Variants in NIBAN2 observed in about 807,000 individuals in gnomAD.
The protein encoded by NIBAN2 is niban apoptosis regulator 2, also known as protein Niban 2.
NIBAN2 carries 36 observed loss-of-function variants against 81.8 expected under a neutral mutation model. The ratio of observed to expected loss-of-function variants is 0.44; its 90% confidence interval spans 0.34 to 0.58. The LOEUF is 0.58. NIBAN2 is among the 20% of genes least tolerant of loss of function. The probability of loss-of-function intolerance (pLI) is 0.02; values close to 1 mark genes in which losing one functional copy is unlikely to be tolerated. For missense variants in NIBAN2, 897 were observed against 1,014.1 expected, an observed-to-expected ratio of 0.88 and a Z score of 1.57; for synonymous variants, 445 against 441.6, an observed-to-expected ratio of 1.01 and a Z score of -0.10.
chr9:127,518,038 T>C, intron 5 of NIBAN2, 97 bp from the exon 6 acceptor site: 1 of 692,358 alleles, frequency 1.4e-6, no homozygotes, highest in Non-Finnish European at 2.4e-6. Flanking sequence ...CCCACACACA[T>C]GGCATGCACC....
intron 1 of NIBAN2, among the ~76,000 whole-genome samples, chr9:127,564,292 CAAA>C (rs60378955): frequency 3.9e-5 from 4 of 102,686 alleles, no homozygotes; most frequent in Non-Finnish European, 4.1e-5. Context: ...GACTCTGTAT[CAAA>C]AAAAAAAAAA....
intron 8 of NIBAN2, 101 bp downstream of exon 8, chr9:127,516,756 A>G: frequency 8.1e-7 from 1 of 1,238,162 alleles, no homozygotes; most frequent in Non-Finnish European, 1.1e-6. Context: ...CAAATGATCA[A>G]TGAGCAAGTC....
chr9:127,528,350 C>A (rs563366565), intron 2 of NIBAN2, among the ~76,000 whole-genome samples: 1 of 152,228 alleles, frequency 6.6e-6, no homozygotes, highest in East Asian at 1.9e-4. Flanking sequence ...GGGAGGGAAC[C>A]CAGGAGAGTA....
chr9:127,531,955 A>T (rs1270626399), intron 1 of NIBAN2, among the ~76,000 whole-genome samples, 177 bp from the exon 2 acceptor site: 2 of 152,264 alleles, frequency 1.3e-5, no homozygotes, highest in Non-Finnish European at 2.9e-5. Flanking sequence ...TTTCCTGTGA[A>T]AACCAACTGC....
At chr9:127,573,724 G>T (rs569372183), upstream of NIBAN2, among the ~76,000 whole-genome samples, 1 of 152,246 alleles carries the variant, frequency 6.6e-6, no homozygotes, top group Admixed American at 6.5e-5. Context: ...CACGATCTCT[G>T]CTCACTGCAA....
At chr9:127,512,135 CCCT>C (rs1836748751) in intron 8 of NIBAN2, among the ~76,000 whole-genome samples, 1 of 152,198 alleles carries the variant, frequency 6.6e-6, no homozygotes, top group African/African-American at 2.4e-5. Flanking sequence ...ATATCTGCTT[CCCT>C]CCTTTGGAGA....
chr9:127,569,985 C>T (rs1262275876), upstream of NIBAN2, among the ~76,000 whole-genome samples: 3 of 152,118 alleles, frequency 2.0e-5, no homozygotes, highest in Non-Finnish European at 4.4e-5. Flanking sequence ...AGTTTCAGGA[C>T]CTCCCAAGCT....
intron 1 of NIBAN2, among the ~76,000 whole-genome samples, chr9:127,556,062 G>T (rs1211279424): frequency 1.3e-5 from 2 of 151,698 alleles, no homozygotes; most frequent in Admixed American, 6.6e-5. Flanking sequence ...TGCCTGTCAT[G>T]CTCAGAAGCT....
At chr9:127,525,305 G>A in intron 3 of NIBAN2, 142 bp from the exon 4 acceptor site, 2 of 621,822 alleles carry the variant, frequency 3.2e-6, no homozygotes, top group Non-Finnish European at 5.8e-6. Flanking sequence ...GAACAGAGGG[G>A]AGAATGTCAC....
chr9:127,549,360 C>A (rs1837531572), intron 1 of NIBAN2, among the ~76,000 whole-genome samples: 1 of 152,052 alleles, frequency 6.6e-6, no homozygotes, highest in Non-Finnish European at 1.5e-5. Flanking sequence ...GCATGCCACA[C>A]ACATGCACTC....
At chr9:127,524,597 A>C (rs1837025871) in intron 4 of NIBAN2, among the ~76,000 whole-genome samples, 1 of 152,172 alleles carries the variant, frequency 6.6e-6, no homozygotes, top group East Asian at 1.9e-4. Flanking sequence ...GAATCCAGGA[A>C]TGCCGCTCGA....
At chr9:127,511,754 A>C (rs2132156702) in intron 8 of NIBAN2, among the ~76,000 whole-genome samples, 1 of 152,340 alleles carries the variant, frequency 6.6e-6, no homozygotes, top group East Asian at 1.9e-4. Context: ...AAAAATGGGC[A>C]AAAGATTTGA....
At chr9:127,571,850 T>A (rs1374231864), upstream of NIBAN2, among the ~76,000 whole-genome samples, 1 of 152,060 alleles carries the variant, frequency 6.6e-6, no homozygotes, top group Admixed American at 6.6e-5. Context: ...CTGCCTTGTC[T>A]AGGGATGGGA....
intron 1 of NIBAN2, among the ~76,000 whole-genome samples, chr9:127,558,561 A>T (rs538652562): frequency 6.6e-6 from 1 of 152,180 alleles, no homozygotes; most frequent in South Asian, 2.1e-4. Context: ...AAAAGCAGAC[A>T]CTTCTCATCA....
At chr9:127,531,998 G>A (rs960180194) in intron 1 of NIBAN2, among the ~76,000 whole-genome samples, 1 of 152,248 alleles carries the variant, frequency 6.6e-6, no homozygotes, top group African/African-American at 2.4e-5. Context: ...ATGGGAAAGC[G>A]GGTAATGGCC....
At chr9:127,526,815 T>C (rs368524256) in intron 3 of NIBAN2, among the ~76,000 whole-genome samples, 186 of 152,004 alleles carry the variant, frequency 1.2e-3, no homozygotes, top group African/African-American at 3.8e-3. Flanking sequence ...CAGCTCTCTG[T>C]GGCTGTCGAG....
Position 127,517,927 on chromosome 9 carries a change from A to C in NIBAN2, c.604T>G (p.Ser202Ala). ...GTGAACGCAGGGCCCTCTACCTTGGAGTCCTCAGGGATTCCTGCCCAGGAG... is the reference window on the plus strand; with the variant it reads ...GTGAACGCAGGGCCCTCTACCTTGGCGTCCTCAGGGATTCCTGCCCAGGAG... Reference protein sequence around the residue: ...RHCNNGIPEDSKVEGPAFTDA... With the variant: ...RHCNNGIPEDAKVEGPAFTDA... The change falls in exon 6 of 14, where the codon TCC becomes GCC. Residue 202 changes from serine to alanine, a missense_variant. Coordinates refer to ENST00000373312, the MANE Select transcript of NIBAN2 (RefSeq NM_022833.4). This position sits in a 1 kb window ranked among gnomAD's most constrained non-coding sequence, Gnocchi z 4.0. 1 of 1,607,508 alleles carries C rather than the reference A, an allele frequency of 6.2e-7. No homozygotes were observed. The highest frequency in any genetic ancestry group is 8.5e-7 in the Non-Finnish European group (1 of 1,176,746).
chr9:127,538,103 T>C (rs1341824341), intron 1 of NIBAN2, among the ~76,000 whole-genome samples: 1 of 152,220 alleles, frequency 6.6e-6, no homozygotes, highest in African/African-American at 2.4e-5. Context: ...TGTGGGTTTG[T>C]TGTGGAGCTG....
At chr9:127,552,950 C>T (rs547218731) in intron 1 of NIBAN2, among the ~76,000 whole-genome samples, 24 of 152,050 alleles carry the variant, frequency 1.6e-4, no homozygotes, top group Non-Finnish European at 2.6e-4. Flanking sequence ...TCTCAGCCTC[C>T]CAAAATGCTG....
Sources: gnomAD v4.1 joint callset for allele counts (sites outside exome capture counted in the v4.1 genomes callset) on GRCh38, gnomAD v4.1.1 for gene constraint, Gnocchi (gnomAD v3.1) non-coding constraint, MANE v1.5 for transcripts, NCBI Gene and HGNC (gene_info 2026-07-23, HGNC 2026-07-21) for gene names.